Variants in HMCN1 observed in about 807,000 individuals in gnomAD.
HMCN1 encodes hemicentin 1.
A neutral mutation model predicts 625.9 loss-of-function variants in HMCN1; 321 were observed. The ratio of observed to expected loss-of-function variants is 0.51; its 90% CI spans 0.47 to 0.56. The LOEUF is 0.56. HMCN1 is among the 20% of genes least tolerant of loss of function. The pLI, the probability that HMCN1 is intolerant of heterozygous loss-of-function variation, is 0.00. For synonymous variants in HMCN1, 2,425 were observed against 2,417.6 expected (o/e 1.00, Z -0.09); for missense variants, 6,588 against 6,887.3 (o/e 0.96, Z 1.54).
In HMCN1 at chr1:186,018,246, C is replaced by T. The variant is rs1654490884; in HGVS notation, c.5364C>T (p.Arg1788=). The T allele has an allele frequency of 1.2e-6, 2 of 1,612,730 alleles. No individual in the cohort carries two copies. The highest frequency in any genetic ancestry group is 1.7e-6 in the Non-Finnish European group (2 of 1,179,060). The part of the protein sequence containing the change: ...RDGFKILLNG[R]KLVIAQAQVS... ...GATTCAAGATTTTATTAAATGGACG[C>T]AAACTGGTTATTGCTCAGGCTCAAG... The change falls in exon 34 of 107, where the codon CGC becomes CGT. Residue 1788 remains arginine, a synonymous_variant. Transcript: ENST00000271588.
At position 185,911,768 on chromosome 1, in the gene HMCN1, G is replaced by A. The variant is rs763154772; in HGVS notation, c.888G>A (p.Met296Ile). The A allele has an allele frequency of 2.5e-6, 4 of 1,610,574 alleles. No individual in the cohort carries two copies. Among genetic ancestry groups the A allele is most frequent in the South Asian group, 1.1e-5 (1 of 91,028 alleles). Residue 296 changes from methionine (M) to isoleucine (I), a missense_variant, in exon 6 of 107, where the codon ATG (methionine) becomes ATA (isoleucine). By Grantham distance (10) the Met-to-Ile change is conservative (BLOSUM62 1). Transcript: ENST00000271588. Reference sequence around the variant, plus strand: ...ATGTGAAAGAGCCAGAGGCTGGAATGTGGACAGTGAAGGTACGGTTGTTTC... The same window carrying A: ...ATGTGAAAGAGCCAGAGGCTGGAATATGGACAGTGAAGGTACGGTTGTTTC... ...VVNVKEPEAG[M>I]WTVKTSSSGR...
At position 186,061,985 on chromosome 1, in the gene HMCN1, A is replaced by G. The variant is rs766978528; in HGVS notation, c.7426+21A>G. The G allele has an allele frequency of 1.4e-5, 21 of 1,453,250 alleles. No individual in the cohort carries two copies. In the African/African-American group the frequency reaches 2.4e-4, roughly 17 times the overall value. 90.0% of individuals were successfully genotyped at this position (1,453,250 alleles called of 1,614,324 possible). On this transcript the variant is annotated intron_variant, in intron 47 of 106. Transcript: ENST00000271588. ...ATTAGGTACTTATATAGTTTGCAAT[A>G]TCTAGAAGAAACTTAAATTGCCTTA...
At chr1:185,857,865 T>C (rs1367859558) in intron 2 of HMCN1, among the ~76,000 whole-genome samples, 1 of 152,204 alleles carries the variant, frequency 6.6e-6, no homozygotes, top group Non-Finnish European at 1.5e-5. Flanking sequence ...TAAATTATAA[T>C]ACATCTTATT....
At chr1:185,880,076 G>T (rs1316921647) in intron 4 of HMCN1, among the ~76,000 whole-genome samples, 2 of 152,154 alleles carry the variant, frequency 1.3e-5, no homozygotes, top group East Asian at 3.9e-4. Flanking sequence ...TATATGGGGT[G>T]CAGGATAATG....
chr1:185,889,890 A>G (rs1664938069), intron 4 of HMCN1, among the ~76,000 whole-genome samples: 1 of 147,674 alleles, frequency 6.8e-6, no homozygotes, highest in Admixed American at 6.6e-5. Flanking sequence ...GAATGGTACC[A>G]GTTCCTCCTT....
chr1:185,803,574 C>T (rs1223307140), intron 1 of HMCN1, among the ~76,000 whole-genome samples: 1 of 151,976 alleles, frequency 6.6e-6, no homozygotes, highest in Non-Finnish European at 1.5e-5. Context: ...GATATTCTTT[C>T]AACATTTAAA....
chr1:186,142,487 T>A (rs1484236960), intron 89 of HMCN1, among the ~76,000 whole-genome samples: 2 of 152,368 alleles, frequency 1.3e-5, no homozygotes, highest in Non-Finnish European at 2.9e-5. Flanking sequence ...TATGTCTTTA[T>A]GTAGAACAAT....
At position 186,055,672 on chromosome 1, in the gene HMCN1, A is replaced by G. The variant is rs1657268753; in HGVS notation, c.7142A>G (p.His2381Arg). 3.1e-6 allele frequency: 5 copies of G among 1,612,458 alleles called. No homozygotes were observed. The highest frequency in any genetic ancestry group is 4.2e-6 in the Non-Finnish European group (5 of 1,178,852). Residue 2381 changes from histidine to arginine, a missense_variant and splice_region_variant, in exon 45 of 107, where the codon CAT becomes CGT. By Grantham distance (29) the His-to-Arg change is conservative. This residue lies in a region of HMCN1 where 4,628 missense variants were observed against 4,853.1 expected (regional missense o/e 0.95). Coordinates refer to ENST00000271588, the MANE Select transcript of HMCN1 (RefSeq NM_031935.3). ...MTDKKYDLSV[H>R]APPSIIGNHR... ...GACAAAAAATATGACTTAAGTGTCC[A>G]TGGTAAGTAGAAAGAGGCTCAATAT...
chr1:185,936,968 C>T (rs1667841242), intron 11 of HMCN1, among the ~76,000 whole-genome samples: 1 of 152,132 alleles, frequency 6.6e-6, no homozygotes, highest in South Asian at 2.1e-4. Context: ...GGATGAGTGT[C>T]ACCTCATTTG....
At chr1:186,148,861 C>T (rs1336918922) in intron 93 of HMCN1, among the ~76,000 whole-genome samples, 2 of 152,096 alleles carry the variant, frequency 1.3e-5, no homozygotes, top group Non-Finnish European at 2.9e-5. Context: ...CAACATTTAT[C>T]TCCTTGTACA....
At chr1:185,746,763 G>A (rs1446764269) in intron 1 of HMCN1, among the ~76,000 whole-genome samples, 1 of 151,844 alleles carries the variant, frequency 6.6e-6, no homozygotes, top group African/African-American at 2.4e-5. Context: ...CCACCACCAT[G>A]CCCAGCTAAT....
intron 80 of HMCN1, among the ~76,000 whole-genome samples, chr1:186,122,299 CT>C (rs1160330327): frequency 3.9e-5 from 6 of 152,062 alleles, no homozygotes; most frequent in Non-Finnish European, 8.8e-5. Context: ...TTTCATATGC[CT>C]TTTTATAGTG....
At chr1:186,005,677 T>C (rs1255090676) in intron 29 of HMCN1, among the ~76,000 whole-genome samples, 1 of 151,992 alleles carries the variant, frequency 6.6e-6, no homozygotes, top group Non-Finnish European at 1.5e-5. Flanking sequence ...TAAAGAGAAG[T>C]CTGGAAAGCA....
At chr1:185,997,381 G>A (rs1652863840) in intron 24 of HMCN1, 48 bp from the exon 25 acceptor site, 1 of 1,223,442 alleles carries the variant, frequency 8.2e-7, no homozygotes, top group Non-Finnish European at 1.2e-6. Context: ...AGGAGAGTTT[G>A]AAATTGCTCA....
rs1162899787 is a variant in HMCN1 at position 185,734,705 on chromosome 1, C to G, written c.-75C>G. 3.5e-6 allele frequency: 5 copies of G among 1,441,932 alleles called. No individual in the cohort carries two copies. Among genetic ancestry groups the G allele is most frequent in the South Asian group, 1.1e-5 (1 of 87,166 alleles). The allele number at this position is 1,441,932 out of a possible 1,614,324, so 89.3% of individuals were successfully genotyped here. ...TGATGAGTTACTCTGAGAGGAAACC[C>G]TCTGCCTGTTGTTGAGGAGGACTGA... On this transcript the variant is annotated 5_prime_UTR_variant, in exon 1 of 107. Coordinates refer to ENST00000271588, the MANE Select transcript of HMCN1 (RefSeq NM_031935.3).
intron 2 of HMCN1, among the ~76,000 whole-genome samples, chr1:185,854,403 A>G (rs1291254041): frequency 3.9e-5 from 6 of 152,314 alleles, no homozygotes; most frequent in Middle Eastern, 3.4e-3. Context: ...GCAACCTGTC[A>G]GTACCCCAGA....
Position 186,090,685 on chromosome 1 carries a change from G to T in HMCN1, c.9728-73G>T, listed in dbSNP as rs200981109. ...GAATATGAACTAGAAATGTCATATT[G>T]TTTTATGACTCTGTTACATTAGAAT... On this transcript the variant is annotated intron_variant, in intron 63 of 106. Transcript: ENST00000271588. 140 of 1,521,218 alleles carry T rather than the reference G, an allele frequency of 9.2e-5. 1 individual carries two copies. In the East Asian group the frequency reaches 3.2e-3, roughly 35 times the overall value. 94.2% of individuals were successfully genotyped at this position (1,521,218 alleles called of 1,614,324 possible).
At chr1:186,108,843 A>G (rs151083523) in intron 71 of HMCN1, among the ~76,000 whole-genome samples, 178 of 152,276 alleles carry the variant, frequency 1.2e-3, no homozygotes, top group Non-Finnish European at 2.2e-3. Flanking sequence ...TGCTCTGGAA[A>G]TTTGCCAAAG....
chr1:186,084,767 A>G (rs1659374008), intron 57 of HMCN1, among the ~76,000 whole-genome samples: 1 of 152,036 alleles, frequency 6.6e-6, no homozygotes. Context: ...AAGGACAACA[A>G]ACTGACTGCT....
Sources: allele counts gnomAD v4.1 joint callset (sites outside exome capture counted in the v4.1 genomes callset), GRCh38; gene constraint gnomAD v4.1.1; regional missense constraint gnomAD v4.1.1; transcripts MANE v1.5; gene names NCBI Gene and HGNC (gene_info 2026-07-23, HGNC 2026-07-21).